Variants in GGA2 observed in about 807,000 individuals in gnomAD.
GGA2 encodes the protein ADP-ribosylation factor-binding protein GGA2.
GGA2 carries 48 observed loss-of-function variants against 79.5 expected under a neutral mutation model. That is an observed-to-expected ratio of 0.60 (90% CI 0.48 to 0.77). The LOEUF is 0.77. GGA2 is among the 30% of genes least tolerant of loss of function. GGA2 has a pLI of 0.00. For missense variants in GGA2, 770 were observed against 774.0 expected (o/e 0.99, Z 0.06); for synonymous variants, 317 against 302.0 (o/e 1.05, Z -0.51).
chr16:23,470,795 CAGGATTATCATTAAAA>C (rs1964501050), intron 14 of GGA2, among the ~76,000 whole-genome samples: 1 of 145,108 alleles, frequency 6.9e-6, no homozygotes, highest in South Asian at 2.2e-4. Context: ...CACACAAAAA[CAGGATTATCATTAAAA>C]AATGAAATAA....
At chr16:23,496,450 G>C (rs112454700) in intron 1 of GGA2, among the ~76,000 whole-genome samples, 11 of 152,174 alleles carry the variant, frequency 7.2e-5, no homozygotes, top group African/African-American at 2.6e-4. Context: ...AGACAGAAGA[G>C]AGGCCACCTG....
chr16:23,487,744 G>A (rs369401636), intron 6 of GGA2, among the ~76,000 whole-genome samples: 5 of 152,082 alleles, frequency 3.3e-5, no homozygotes, highest in Admixed American at 2.6e-4. Flanking sequence ...GCGGAGAAAG[G>A]TGGCCTGGAA....
At chr16:23,483,899 G>A (rs1372631241) in intron 8 of GGA2, among the ~76,000 whole-genome samples, 3 of 150,230 alleles carry the variant, frequency 2.0e-5, no homozygotes, top group African/African-American at 4.9e-5. Context: ...CGCCTGCCTC[G>A]GCCTCCCAAA....
intron 1 of GGA2, among the ~76,000 whole-genome samples, chr16:23,510,082 T>TG (rs1032096811): frequency 4.6e-5 from 6 of 129,296 alleles, no homozygotes; most frequent in East Asian, 2.4e-4. Flanking sequence ...GCTGCTAAGT[T>TG]GGGGGGTGGG....
In GGA2 at chr16:23,495,712, A is replaced by T. The variant is rs1433542351; in HGVS notation, c.158T>A (p.Val53Glu). The change falls in exon 2 of 17, where the codon GTG (valine) becomes GAG (glutamate). Residue 53 changes from valine (V) to glutamate (E), a missense_variant. Val to Glu is a moderately radical substitution (Grantham distance 121). Coordinates refer to ENST00000309859, the MANE Select transcript of GGA2 (RefSeq NM_015044.4). ...ACCTTACCCATTGGGGTCAGTGTTCACCTGCTCACAGAAATTCTGGATAGC... is the reference window on the plus strand; with the variant it reads ...ACCTTACCCATTGGGGTCAGTGTTCTCCTGCTCACAGAAATTCTGGATAGC... ...WSAIQNFCEQ[V>E]NTDPNGPTHA... The T allele has an allele frequency of 1.1e-5, 18 of 1,608,194 alleles. No homozygotes were observed. The highest frequency in any genetic ancestry group is 1.5e-5 in the Non-Finnish European group (18 of 1,174,628).
intron 1 of GGA2, among the ~76,000 whole-genome samples, chr16:23,506,297 A>G (rs957239015): frequency 5.9e-5 from 9 of 152,190 alleles, no homozygotes; most frequent in Middle Eastern, 6.8e-3. Flanking sequence ...TGCAGCACCA[A>G]TGGCCCACCA....
At chr16:23,485,994 C>A (rs779580450) in intron 8 of GGA2, 21 bp downstream of exon 8, 3 of 1,610,128 alleles carry the variant, frequency 1.9e-6, no homozygotes, top group Admixed American at 3.4e-5. Context: ...TGTGCAGCCC[C>A]CTGTGTTACA....
intron 4 of GGA2, among the ~76,000 whole-genome samples, chr16:23,492,090 A>G (rs970990877): frequency 1.3e-5 from 2 of 152,232 alleles, no homozygotes; most frequent in Admixed American, 1.3e-4. Context: ...CAAGAATATA[A>G]TAATAAAATT....
At chr16:23,475,164 A>G (rs1964561548) in intron 13 of GGA2, 103 bp from the exon 14 acceptor site, 1 of 614,832 alleles carries the variant, frequency 1.6e-6, no homozygotes, top group Middle Eastern at 4.4e-4. Context: ...ACACACACAC[A>G]CACACAGAGT....
At chr16:23,506,843 G>A (rs1268836203) in intron 1 of GGA2, among the ~76,000 whole-genome samples, 4 of 151,924 alleles carry the variant, frequency 2.6e-5, no homozygotes, top group African/African-American at 7.3e-5. Context: ...GATCTCCTTC[G>A]CCAGACAGTC....
intron 13 of GGA2, among the ~76,000 whole-genome samples, chr16:23,477,620 G>A (rs1372359374): frequency 1.3e-5 from 2 of 152,074 alleles, no homozygotes; most frequent in Admixed American, 6.6e-5. Flanking sequence ...GGTGGCACAC[G>A]CCTGTAATCC....
Position 23,470,164 on chromosome 16 carries a change from G to A in GGA2, c.1452C>T (p.Ser484=), listed in dbSNP as rs1244227910. The A allele has an allele frequency of 1.9e-6, 3 of 1,594,680 alleles. No individual in the cohort carries two copies. Among genetic ancestry groups the A allele is most frequent in the South Asian group, 1.1e-5 (1 of 87,026 alleles). ...CATACACAATGAGAGGCGGCAGGCT[G>A]CCTGGTATAAAGGGCACAAGCAGAA... The part of the protein sequence containing the change: ...VFVPLESVKP[S]SLPPLIVYDR... Residue 484 remains serine, a splice_region_variant and synonymous_variant, in exon 15 of 17, where the codon AGC becomes AGT. Coordinates refer to ENST00000309859, the MANE Select transcript of GGA2 (RefSeq NM_015044.4).
intron 4 of GGA2, among the ~76,000 whole-genome samples, chr16:23,492,885 G>C (rs58137464): frequency 0.082 from 12,539 of 152,218 alleles, 921 homozygotes; most frequent in African/African-American, 0.19. Context: ...ACTCAGGGGA[G>C]TGTCAGAACT....
At chr16:23,482,321 T>C (rs1034370198) in intron 9 of GGA2, among the ~76,000 whole-genome samples, 7 of 152,092 alleles carry the variant, frequency 4.6e-5, no homozygotes, top group African/African-American at 1.2e-4. Context: ...GACTAGGGAA[T>C]GGGTGTGTAC....
At chr16:23,507,070 G>A (rs1008476533) in intron 1 of GGA2, among the ~76,000 whole-genome samples, 1 of 151,858 alleles carries the variant, frequency 6.6e-6, no homozygotes, top group Non-Finnish European at 1.5e-5. Context: ...ATTCCCTCTC[G>A]CTATTCTCTC....
intron 1 of GGA2, among the ~76,000 whole-genome samples, chr16:23,509,963 G>C (rs974618005): frequency 1.8e-4 from 28 of 151,808 alleles, no homozygotes; most frequent in Non-Finnish European, 3.2e-4. Context: ...AAGCCAGCTC[G>C]GGGTGGGAAT....
intron 11 of GGA2, 58 bp downstream of exon 11, chr16:23,479,704 CCAG>C: frequency 6.3e-7 from 1 of 1,593,364 alleles, no homozygotes; most frequent in Non-Finnish European, 8.6e-7. Flanking sequence ...GCGAAGGGAA[CCAG>C]CTCACTCCCC....
chr16:23,468,820 CAA>C (rs1225975177), intron 16 of GGA2, 64 bp downstream of exon 16: 1 of 900,662 alleles, frequency 1.1e-6, no homozygotes, highest in Non-Finnish European at 1.9e-6. Flanking sequence ...TCTCTACCCA[CAA>C]AGTTACCTCC....
At chr16:23,500,046 A>C (rs572560970) in intron 1 of GGA2, among the ~76,000 whole-genome samples, 1 of 152,290 alleles carries the variant, frequency 6.6e-6, no homozygotes, top group African/African-American at 2.4e-5. Flanking sequence ...AAGGAAGAGG[A>C]GCTCCCTCTG....
Sources: gnomAD v4.1 joint callset for allele counts (sites outside exome capture counted in the v4.1 genomes callset) on GRCh38, gnomAD v4.1.1 for gene constraint, MANE v1.5 for transcripts, NCBI Gene and HGNC (gene_info 2026-07-23, HGNC 2026-07-21) for gene names.